The following SLC1A2 variants were observed in gnomAD, a reference collection of about 807,000 sequenced individuals.
SLC1A2 encodes solute carrier family 1 member 2, also known as excitatory amino acid transporter 2.
A neutral mutation model predicts 48.8 loss-of-function variants in SLC1A2; 15 were observed. That is an observed-to-expected ratio of 0.31 (90% CI 0.21 to 0.47). SLC1A2 has a LOEUF of 0.47. SLC1A2 is among the 20% of genes least tolerant of loss of function. The probability of loss-of-function intolerance (pLI) is 0.99; values close to 1 mark genes in which losing one functional copy is unlikely to be tolerated. For synonymous variants in SLC1A2, 279 were observed against 272.6 expected (o/e 1.02, Z -0.23); for missense variants, 502 against 730.5 (o/e 0.69, Z 3.61).
chr11:35,407,752 C>G (rs1021184828), intron 1 of SLC1A2, among the ~76,000 whole-genome samples: 5 of 152,196 alleles, frequency 3.3e-5, no homozygotes, highest in Non-Finnish European at 5.9e-5. Context: ...AAGTCACCTG[C>G]TCACTCTTGA....
At chr11:35,409,049 T>A (rs144483403) in intron 1 of SLC1A2, among the ~76,000 whole-genome samples, 1 of 152,340 alleles carries the variant, frequency 6.6e-6, no homozygotes, top group African/African-American at 2.4e-5. Flanking sequence ...AATGTCTTGG[T>A]CTCAGAAAGC....
chr11:35,402,919 G>A (rs1855177863), intron 1 of SLC1A2, among the ~76,000 whole-genome samples: 1 of 152,212 alleles, frequency 6.6e-6, no homozygotes, highest in Non-Finnish European at 1.5e-5. Context: ...AAGAAGCCCA[G>A]GGCCTACTTT....
intron 1 of SLC1A2, among the ~76,000 whole-genome samples, chr11:35,365,778 A>C (rs1853824490): frequency 6.6e-6 from 1 of 152,198 alleles, no homozygotes; most frequent in Admixed American, 6.5e-5. Flanking sequence ...GCACACCTCC[A>C]TCGAGGCATC....
At chr11:35,382,139 A>ATT (rs1854443986) in intron 1 of SLC1A2, among the ~76,000 whole-genome samples, 4 of 152,184 alleles carry the variant, frequency 2.6e-5, no homozygotes, top group Non-Finnish European at 4.4e-5. Context: ...ATGAAATCAA[A>ATT]CTCAGCTCCA....
In SLC1A2 at chr11:35,419,220, T is replaced by A. The variant is rs1855706800; in HGVS notation, c.-254A>T. 1 of 415,668 alleles carries A rather than the reference T, an allele frequency of 2.4e-6. No homozygotes were observed. The highest frequency in any genetic ancestry group is 4.4e-5 in the Admixed American group (1 of 22,564). The allele number at this position is 415,668 out of a possible 1,614,324, so 25.7% of individuals were successfully genotyped here. ...CCCCTCCGCCCGCGGGGATGGCGCT[T>A]GGCGGGGAGCTCCGGGGGCTCCGAG... On this transcript the variant is annotated 5_prime_UTR_variant, in exon 1 of 11. Coordinates refer to ENST00000278379, the MANE Select transcript of SLC1A2 (RefSeq NM_004171.4). The surrounding 1 kb of genome is among the most constrained non-coding windows in gnomAD (Gnocchi z 5.4).
At chr11:35,308,268 G>A (rs745505136) in intron 4 of SLC1A2, among the ~76,000 whole-genome samples, 1 of 152,182 alleles carries the variant, frequency 6.6e-6, no homozygotes, top group Non-Finnish European at 1.5e-5. Flanking sequence ...GATTCGAGAT[G>A]AGTTATGTTT....
intron 1 of SLC1A2, among the ~76,000 whole-genome samples, chr11:35,320,553 T>C (rs1475737669): frequency 6.6e-6 from 1 of 152,242 alleles, no homozygotes; most frequent in African/African-American, 2.4e-5. Flanking sequence ...GCCTACATTC[T>C]CCACCAGTCT....
chr11:35,399,381 C>T (rs562303189), intron 1 of SLC1A2, among the ~76,000 whole-genome samples: 27 of 152,258 alleles, frequency 1.8e-4, no homozygotes, highest in African/African-American at 5.8e-4. Flanking sequence ...ATAATGAAGC[C>T]ATTTTGTATG....
rs1157889618 is a variant in SLC1A2 at position 35,260,765 on chromosome 11, C to T, written c.*129G>A. The T allele has an allele frequency of 2.5e-5, 18 of 713,014 alleles. No individual in the cohort carries two copies. The highest frequency in any genetic ancestry group is 8.9e-5 in the Admixed American group (4 of 44,934). 44.2% of individuals were successfully genotyped at this position (713,014 alleles called of 1,614,324 possible). A position where few individuals can be genotyped will look rare whatever the true frequency, so the allele number is the denominator to read the frequency against. On this transcript the variant is annotated 3_prime_UTR_variant, in exon 11 of 11. Transcript: ENST00000278379. Reference sequence around the variant, plus strand: ...GACTCACAAGAGCTCCTCTAAGCCTCGGCTAACAGATTAAGTAAACATAGA... The same window carrying T: ...GACTCACAAGAGCTCCTCTAAGCCTTGGCTAACAGATTAAGTAAACATAGA...
intron 9 of SLC1A2, among the ~76,000 whole-genome samples, chr11:35,272,227 G>T (rs980369898): frequency 1.3e-5 from 2 of 152,202 alleles, no homozygotes; most frequent in South Asian, 4.1e-4. Flanking sequence ...GGAGATAAAG[G>T]CCATTTCCTT....
intron 10 of SLC1A2, among the ~76,000 whole-genome samples, chr11:35,263,564 A>G (rs1176242445): frequency 6.6e-6 from 1 of 152,196 alleles, no homozygotes; most frequent in Non-Finnish European, 1.5e-5. Flanking sequence ...CTCCACGCCC[A>G]CACCTTCTTT....
chr11:35,308,987 G>C (rs758633782), intron 4 of SLC1A2, among the ~76,000 whole-genome samples: 3 of 152,012 alleles, frequency 2.0e-5, no homozygotes, highest in Non-Finnish European at 4.4e-5. Context: ...CCTCCACACT[G>C]GCCTCACACA....
chr11:35,296,597 G>C (rs1200538643), intron 6 of SLC1A2, among the ~76,000 whole-genome samples: 1 of 152,054 alleles, frequency 6.6e-6, no homozygotes, highest in Admixed American at 6.6e-5. Flanking sequence ...TCTGCCTCCT[G>C]CCCACCTCTC....
chr11:35,314,607 G>A (rs1851810066), intron 3 of SLC1A2, among the ~76,000 whole-genome samples: 1 of 151,884 alleles, frequency 6.6e-6, no homozygotes, highest in African/African-American at 2.4e-5. Flanking sequence ...CAGCTACTCA[G>A]GAGGCTGAGG....
chr11:35,345,840 A>G (rs2135056925), intron 1 of SLC1A2, among the ~76,000 whole-genome samples: 1 of 152,336 alleles, frequency 6.6e-6, no homozygotes, highest in Admixed American at 6.5e-5. Flanking sequence ...AAATCTAAGT[A>G]ATAGCCAATG....
chr11:35,381,675 G>A (rs1350326165), intron 1 of SLC1A2, among the ~76,000 whole-genome samples: 1 of 152,144 alleles, frequency 6.6e-6, no homozygotes, highest in African/African-American at 2.4e-5. Flanking sequence ...CTGGTTCAGA[G>A]GACACCAGCC....
At chr11:35,409,531 T>C (rs903223939) in intron 1 of SLC1A2, among the ~76,000 whole-genome samples, 1 of 152,144 alleles carries the variant, frequency 6.6e-6, no homozygotes, top group South Asian at 2.1e-4. Context: ...ATCTTTCCAT[T>C]GGACATGGCA....
chr11:35,385,688 T>G (rs1461264956), intron 1 of SLC1A2, among the ~76,000 whole-genome samples: 2 of 152,222 alleles, frequency 1.3e-5, no homozygotes, highest in Non-Finnish European at 2.9e-5. Flanking sequence ...TTTATTTTTC[T>G]CTGATTGCTT....
intron 1 of SLC1A2, among the ~76,000 whole-genome samples, chr11:35,399,011 T>C (rs1172228291): frequency 6.6e-6 from 1 of 152,178 alleles, no homozygotes; most frequent in Non-Finnish European, 1.5e-5. Context: ...CTGCATAAGC[T>C]GCCTATGGCT....
Sources: gnomAD v4.1 joint callset for allele counts (sites outside exome capture counted in the v4.1 genomes callset) on GRCh38, gnomAD v4.1.1 for gene constraint, Gnocchi (gnomAD v3.1) non-coding constraint, MANE v1.5 for transcripts, NCBI Gene and HGNC (gene_info 2026-07-23, HGNC 2026-07-21) for gene names.